The following SFMBT2 variants were observed in gnomAD, a reference collection of about 807,000 sequenced individuals.
SFMBT2 encodes the protein Scm like with four mbt domains 2, also known as scm-like with four MBT domains protein 2.
SFMBT2 carries 38 observed loss-of-function variants against 110.1 expected under a neutral mutation model. The ratio of observed to expected loss-of-function variants is 0.35; its 90% confidence interval spans 0.27 to 0.45. The LOEUF (loss-of-function observed/expected upper bound fraction) is 0.45, where lower values mean the gene tolerates loss of function less well. Ranked by LOEUF, SFMBT2 falls within the 20% of genes least tolerant of loss-of-function variation. SFMBT2 has a pLI of 1.00. For missense variants in SFMBT2, 1,011 were observed against 1,094.9 expected, an observed-to-expected ratio of 0.92 and a Z score of 1.08; for synonymous variants, 425 against 425.4, an observed-to-expected ratio of 1.00 and a Z score of 0.01.
chr10:7,243,877 G>A (rs1416169369), intron 8 of SFMBT2, among the ~76,000 whole-genome samples, 172 bp from the exon 9 acceptor site: 1 of 152,158 alleles, frequency 6.6e-6, no homozygotes, highest in Non-Finnish European at 1.5e-5. Flanking sequence ...CTGATAAAAA[G>A]TTAGAATTGA....
At chr10:7,164,256 G>T in intron 20 of SFMBT2, 1 of 609,180 alleles carries the variant, frequency 1.6e-6, no homozygotes, top group Non-Finnish European at 2.1e-6. Flanking sequence ...GCATGGTGGT[G>T]CAAACCTGTG....
intron 15 of SFMBT2, among the ~76,000 whole-genome samples, chr10:7,195,576 A>G (rs1032182458): frequency 6.6e-6 from 1 of 152,134 alleles, no homozygotes; most frequent in Non-Finnish European, 1.5e-5. Flanking sequence ...CTAAACACGA[A>G]CAAGGGCCCT....
At chr10:7,279,170 G>A (rs1032338519) in intron 6 of SFMBT2, among the ~76,000 whole-genome samples, 1 of 152,018 alleles carries the variant, frequency 6.6e-6, no homozygotes, top group African/African-American at 2.4e-5. Context: ...TCCAAGCTAT[G>A]AGAACTCACG....
chr10:7,334,053 G>A (rs1366474154), intron 4 of SFMBT2, among the ~76,000 whole-genome samples: 4 of 152,148 alleles, frequency 2.6e-5, no homozygotes, highest in East Asian at 1.9e-4. Flanking sequence ...CACACACACC[G>A]GATGTGCTAC....
At position 7,408,801 on chromosome 10, in the gene SFMBT2, C is replaced by G. The variant is rs149524770; in HGVS notation, c.-52+2060G>C. 6.6e-6 allele frequency: 1 copy of G among 152,580 alleles called. No individual in the cohort carries two copies. The highest frequency in any genetic ancestry group is 1.5e-5 in the Non-Finnish European group (1 of 68,168). The allele number at this position is 152,580 out of a possible 1,614,324, so 9.5% of individuals were successfully genotyped here. The stretch of plus-strand genomic sequence containing the variant: ...ACCCCGATTTTGTCTCCGAACTCCA[C>G]TCCCAGATCCTCCCCGCCCTGGAAC... On this transcript the variant is annotated intron_variant, in intron 1 of 20. Coordinates refer to ENST00000397167, the MANE Select transcript of SFMBT2 (RefSeq NM_001387889.1). The surrounding 1 kb of genome is among the most constrained non-coding windows in gnomAD (Gnocchi z 5.7).
intron 11 of SFMBT2, chr10:7,207,700 G>T (rs1030861742): frequency 1.3e-6 from 1 of 741,012 alleles, no homozygotes; most frequent in Non-Finnish European, 1.6e-6. Context: ...ACACAAAATG[G>T]TCCTAAATCT....
rs537016315 is a variant in SFMBT2, at chr10:7,325,011, A to C, written c.437-39057T>G. On this transcript the variant is annotated intron_variant, in intron 4 of 20. Transcript: ENST00000397167. Reference sequence around the variant, plus strand: ...GAGACGGAGTCTCGCTCTGTTGCCCAGGCTGGAGTGCAATGGCACGATCTC... The same window carrying C: ...GAGACGGAGTCTCGCTCTGTTGCCCCGGCTGGAGTGCAATGGCACGATCTC... Among the ~76,000 whole-genome samples, 28 of 119,046 alleles carry C rather than the reference A, an allele frequency of 2.4e-4. No homozygotes were observed. The East Asian group carries it at 6.9e-3, about 29-fold the overall frequency. 78.1% of individuals were successfully genotyped at this position (119,046 alleles called of 152,430 possible). A position where few individuals can be genotyped will look rare whatever the true frequency, so the allele number is the denominator to read the frequency against.
chr10:7,340,558 C>G (rs563332036), intron 4 of SFMBT2, among the ~76,000 whole-genome samples: 2 of 149,402 alleles, frequency 1.3e-5, no homozygotes, highest in African/African-American at 4.9e-5. Context: ...TCAAGCAAAG[C>G]AGGAGGATGG....
chr10:7,329,785 C>G (rs565332873), intron 4 of SFMBT2, among the ~76,000 whole-genome samples: 1 of 152,308 alleles, frequency 6.6e-6, no homozygotes, highest in Admixed American at 6.5e-5. Flanking sequence ...GTGCCCAGGA[C>G]AAGGGTTCCA....
chr10:7,189,356 A>G (rs1838525203), intron 15 of SFMBT2: 3 of 183,760 alleles, frequency 1.6e-5, no homozygotes, highest in South Asian at 1.9e-4. Flanking sequence ...CCCAAGTCCA[A>G]GAAAACAAGC....
chr10:7,233,313 C>T (rs1465622946), intron 9 of SFMBT2, among the ~76,000 whole-genome samples: 3 of 152,068 alleles, frequency 2.0e-5, no homozygotes, highest in Admixed American at 6.5e-5. Context: ...CAGGCTCCAG[C>T]GACTACTGGG....
intron 4 of SFMBT2, among the ~76,000 whole-genome samples, chr10:7,347,918 G>A (rs1178264477): frequency 1.3e-5 from 2 of 151,980 alleles, no homozygotes; most frequent in African/African-American, 2.4e-5. Flanking sequence ...AACCATTAAC[G>A]GTACTTACAA....
At chr10:7,326,228 A>G (rs1221885343) in intron 4 of SFMBT2, among the ~76,000 whole-genome samples, 1 of 152,258 alleles carries the variant, frequency 6.6e-6, no homozygotes, top group Non-Finnish European at 1.5e-5. Context: ...TACAAACCAT[A>G]TATAAACAAC....
At chr10:7,268,456 T>C (rs1841464334) in intron 7 of SFMBT2, among the ~76,000 whole-genome samples, 1 of 152,260 alleles carries the variant, frequency 6.6e-6, no homozygotes, top group South Asian at 2.1e-4. Context: ...AATCAAATGA[T>C]GGTTTCCAGA....
At chr10:7,370,225 G>C in intron 3 of SFMBT2, 56 bp downstream of exon 3, 1 of 1,494,484 alleles carries the variant, frequency 6.7e-7, no homozygotes, top group Non-Finnish European at 9.3e-7. Flanking sequence ...TCTCCCTATA[G>C]ATTCCTTCCC....
chr10:7,399,303 G>A (rs1385113770), intron 1 of SFMBT2, among the ~76,000 whole-genome samples: 1 of 152,146 alleles, frequency 6.6e-6, no homozygotes, highest in Non-Finnish European at 1.5e-5. Flanking sequence ...CGTGATCTTG[G>A]TTCACTGCAA....
intron 7 of SFMBT2, among the ~76,000 whole-genome samples, chr10:7,252,923 T>C (rs1282542831): frequency 1.3e-5 from 2 of 151,806 alleles, no homozygotes; most frequent in East Asian, 1.9e-4. Context: ...TTAGAGAGGG[T>C]TGTAAGTTCT....
intron 15 of SFMBT2, among the ~76,000 whole-genome samples, chr10:7,190,051 C>T (rs973984083): frequency 1.3e-5 from 2 of 152,176 alleles, no homozygotes; most frequent in African/African-American, 4.8e-5. Flanking sequence ...AAATACTTTA[C>T]ACTACGCGGT....
At chr10:7,229,585 ACTCCATCT>A in intron 9 of SFMBT2, among the ~76,000 whole-genome samples, 1 of 119,580 alleles carries the variant, frequency 8.4e-6, no homozygotes. Flanking sequence ...ACAGAGCAAG[ACTCCATCT>A]CAAAAAAAAA....
Sources: gnomAD v4.1 joint callset for allele counts (sites outside exome capture counted in the v4.1 genomes callset) on GRCh38, gnomAD v4.1.1 for gene constraint, Gnocchi (gnomAD v3.1) non-coding constraint, MANE v1.5 for transcripts, NCBI Gene and HGNC (gene_info 2026-07-23, HGNC 2026-07-21) for gene names.